The following SNX18 variants were observed in gnomAD, a reference collection of about 807,000 sequenced individuals.
SNX18 encodes sorting nexin-18.
SNX18 carries 35 observed loss-of-function variants against 48.7 expected under a neutral mutation model. That is an observed-to-expected ratio of 0.72 (90% confidence interval 0.55 to 0.95). SNX18 has a LOEUF of 0.95. Ranked by LOEUF, SNX18 falls within the 40% of genes least tolerant of loss-of-function variation. SNX18 has a pLI of 0.00. For synonymous variants in SNX18, 492 were observed against 384.7 expected (o/e 1.28, Z -3.26); for missense variants, 824 against 871.0 (o/e 0.95, Z 0.68).
chr5:54,629,729 A>G, the SNX18 span, among the ~76,000 whole-genome samples: 7 of 152,208 alleles, frequency 4.6e-5, no homozygotes, highest in Non-Finnish European at 1.0e-4. Flanking sequence ...GCTTTGTACA[A>G]AGTTGTTATC....
the SNX18 span, among the ~76,000 whole-genome samples, chr5:54,620,989 G>T: frequency 6.6e-6 from 1 of 152,044 alleles, no homozygotes; most frequent in African/African-American, 2.4e-5. Flanking sequence ...TCACATTAGG[G>T]GTTAGGAAGG....
intron 1 of SNX18, among the ~76,000 whole-genome samples, chr5:54,530,235 A>C (rs1041832407): frequency 6.6e-6 from 1 of 152,166 alleles, no homozygotes; most frequent in Non-Finnish European, 1.5e-5. Context: ...AACTAATTAC[A>C]TATTCAGAGA....
the SNX18 span, among the ~76,000 whole-genome samples, chr5:54,590,913 T>A: frequency 1.3e-5 from 2 of 152,152 alleles, no homozygotes; most frequent in Non-Finnish European, 2.9e-5. Context: ...GAGTAAATGT[T>A]CATTTGATAT....
At chr5:54,644,500 C>T in the SNX18 span, 3 of 152,330 alleles carry the variant, frequency 2.0e-5, no homozygotes, top group Admixed American at 6.5e-5. Context: ...AGCATTCATT[C>T]CCCCTCTTCC....
At chr5:54,520,993 G>C (rs1034859459) in intron 1 of SNX18, 3 of 166,430 alleles carry the variant, frequency 1.8e-5, no homozygotes, top group African/African-American at 7.2e-5. Context: ...TATTAAACCT[G>C]TATTTACATT....
At chr5:54,632,017 G>T in the SNX18 span, among the ~76,000 whole-genome samples, 1 of 152,174 alleles carries the variant, frequency 6.6e-6, no homozygotes, top group African/African-American at 2.4e-5. Context: ...GAACAGAGAG[G>T]AGTTCATCAG....
intron 1 of SNX18, among the ~76,000 whole-genome samples, chr5:54,533,494 C>G (rs1186645778): frequency 6.6e-6 from 1 of 152,170 alleles, no homozygotes; most frequent in African/African-American, 2.4e-5. Context: ...TGAGGCCGAT[C>G]TATGGGGCTT....
intron 1 of SNX18, among the ~76,000 whole-genome samples, chr5:54,521,466 A>G (rs1406889623): frequency 6.6e-6 from 1 of 152,178 alleles, no homozygotes; most frequent in Non-Finnish European, 1.5e-5. Context: ...TGGGAGGTCG[A>G]GGCAGGAGGA....
rs111671630 is a variant in SNX18 at position 54,534,502 on chromosome 5, G to A, written c.1622-8677G>A. Among the ~76,000 whole-genome samples, 728 of 152,178 alleles carry A rather than the reference G, an allele frequency of 4.8e-3. 6 individuals carry two copies. The highest frequency in any genetic ancestry group is 0.017 in the African/African-American group (699 of 41,532). ...AAGGAGGCCAGACAGCTTCTTTAAA[G>A]GGAGGGCAGGGCCTTGCCTGGTTAA... On this transcript the variant is annotated intron_variant, in intron 1 of 1. Coordinates refer to ENST00000381410, the MANE Select transcript of SNX18 (RefSeq NM_001102575.2).
At chr5:54,603,341 A>G in the SNX18 span, among the ~76,000 whole-genome samples, 1 of 152,006 alleles carries the variant, frequency 6.6e-6, no homozygotes, top group African/African-American at 2.4e-5. Flanking sequence ...CCTGGGCTCA[A>G]GAAATTCTCC....
At chr5:54,553,394 T>A in the SNX18 span, among the ~76,000 whole-genome samples, 3 of 151,764 alleles carry the variant, frequency 2.0e-5, no homozygotes, top group African/African-American at 4.8e-5. Flanking sequence ...CAGCAACAGG[T>A]CGGGGAGCTG....
At chr5:54,564,228 T>C in the SNX18 span, among the ~76,000 whole-genome samples, 15 of 152,050 alleles carry the variant, frequency 9.9e-5, no homozygotes, top group African/African-American at 3.4e-4. Context: ...ACCGCACCGT[T>C]GCACTCCAGC....
At chr5:54,540,806 C>T (rs367594865) in intron 1 of SNX18, among the ~76,000 whole-genome samples, 1 of 143,122 alleles carries the variant, frequency 7.0e-6, no homozygotes, top group African/African-American at 2.6e-5. Context: ...AAGGATCCTG[C>T]GTACTGGTCC....
rs780350548 is a variant in SNX18 at position 54,519,493 on chromosome 5, AC to A, written c.1543del (p.Leu515TrpfsTer8). ...CTCTTCGCGGAGCAGCCCAGGCAGG[AC>A]CTGGATCCCGTCATGGACCTATTAG... Reference protein sequence around the residue: ...GELFAEQPRQDLDPVMDLLAL... With the variant: ...GELFAEQPRQXLDPVMDLLAL... On this transcript the variant is annotated frameshift_variant, in exon 1 of 2. Coordinates refer to ENST00000381410, the MANE Select transcript of SNX18 (RefSeq NM_001102575.2). LOFTEE classifies it high-confidence loss of function. 2 of 1,614,204 alleles carry A rather than the reference AC, an allele frequency of 1.2e-6. No homozygotes were observed. Among genetic ancestry groups the A allele is most frequent in the African/African-American group, 1.3e-5 (1 of 75,056 alleles).
At chr5:54,637,720 C>G in the SNX18 span, among the ~76,000 whole-genome samples, 1 of 152,080 alleles carries the variant, frequency 6.6e-6, no homozygotes, top group Non-Finnish European at 1.5e-5. Flanking sequence ...TCAAAATGGC[C>G]TCTTGGTAAT....
At chr5:54,589,646 G>A in the SNX18 span, among the ~76,000 whole-genome samples, 14 of 152,296 alleles carry the variant, frequency 9.2e-5, no homozygotes, top group East Asian at 2.7e-3. Context: ...TGCCCAACAG[G>A]CCGTGAGCTT....
At chr5:54,542,627 C>G (rs1262680101) in intron 1 of SNX18, among the ~76,000 whole-genome samples, 1 of 152,200 alleles carries the variant, frequency 6.6e-6, no homozygotes, top group Non-Finnish European at 1.5e-5. Context: ...GCAACATTGC[C>G]AAGCACCCTC....
At chr5:54,605,785 A>C in the SNX18 span, among the ~76,000 whole-genome samples, 1 of 152,192 alleles carries the variant, frequency 6.6e-6, no homozygotes, top group East Asian at 1.9e-4. Flanking sequence ...TCAGCCTCTC[A>C]AGTAGCTAGG....
the SNX18 span, among the ~76,000 whole-genome samples, chr5:54,572,032 C>T: frequency 4.6e-5 from 7 of 152,148 alleles, no homozygotes; most frequent in African/African-American, 1.7e-4. Flanking sequence ...TATTAGAACT[C>T]TGATTTTTTT....
Sources: gnomAD v4.1 joint callset for allele counts (sites outside exome capture counted in the v4.1 genomes callset) on GRCh38, gnomAD v4.1.1 for gene constraint, MANE v1.5 for transcripts, NCBI Gene and HGNC (gene_info 2026-07-23, HGNC 2026-07-21) for gene names.